TRDN: variants seen among roughly 807,000 people sequenced by gnomAD.
TRDN encodes triadin, also known as triadin in skeletal muscle.
TRDN carries 161 observed loss-of-function variants against 149.7 expected under a neutral mutation model. The observed-to-expected ratio is 1.08, with a 90% CI of 0.95 to 1.23. The LOEUF is 1.23. Ranked by LOEUF, TRDN falls within the 50% of genes most tolerant of loss-of-function variation. The pLI is 0.00. For synonymous variants in TRDN, 294 were observed against 250.5 expected, an observed-to-expected ratio of 1.17 and a Z score of -1.64; for missense variants, 896 against 823.5, an observed-to-expected ratio of 1.09 and a Z score of -1.08.
chr6:123,552,579 C>G (rs1217039514), intron 2 of TRDN, among the ~76,000 whole-genome samples: 1 of 152,130 alleles, frequency 6.6e-6, no homozygotes, highest in Non-Finnish European at 1.5e-5. Flanking sequence ...GCTGTGCCAA[C>G]TATATTGAAA....
At chr6:123,533,597 C>T (rs1173010964) in intron 4 of TRDN, among the ~76,000 whole-genome samples, 1 of 152,008 alleles carries the variant, frequency 6.6e-6, no homozygotes, top group Non-Finnish European at 1.5e-5. Flanking sequence ...TACCTTGCTC[C>T]TCTTAGCTCT....
At chr6:123,474,793 A>G (rs1777375519) in intron 9 of TRDN, among the ~76,000 whole-genome samples, 1 of 152,064 alleles carries the variant, frequency 6.6e-6, no homozygotes, top group Admixed American at 6.5e-5. Flanking sequence ...GCTCAACTAC[A>G]TGGAAACTGA....
At chr6:123,257,208 G>A (rs1276842499) in intron 35 of TRDN, among the ~76,000 whole-genome samples, 1 of 152,024 alleles carries the variant, frequency 6.6e-6, no homozygotes, top group Non-Finnish European at 1.5e-5. Flanking sequence ...TCGATCTCTT[G>A]ACCTCGTGAT....
chr6:123,369,052 G>A (rs941640147), intron 19 of TRDN, among the ~76,000 whole-genome samples: 1 of 152,106 alleles, frequency 6.6e-6, no homozygotes, highest in Admixed American at 6.6e-5. Context: ...CAAAATTCAG[G>A]CATTGGCAGG....
chr6:123,512,416 G>A, intron 6 of TRDN, 54 bp from the exon 7 acceptor site: 1 of 1,096,602 alleles, frequency 9.1e-7, no homozygotes, highest in South Asian at 1.5e-5. Context: ...TCAAAACCAA[G>A]CTTTCTTTTG....
At chr6:123,619,892 A>C (rs1046314946) in intron 1 of TRDN, among the ~76,000 whole-genome samples, 1 of 152,102 alleles carries the variant, frequency 6.6e-6, no homozygotes, top group African/African-American at 2.4e-5. Context: ...GTCCAGAGAA[A>C]TAGCTGATTA....
chr6:123,464,817 G>A, intron 10 of TRDN, 89 bp downstream of exon 10: 1 of 1,515,454 alleles, frequency 6.6e-7, no homozygotes, highest in Non-Finnish European at 8.9e-7. Flanking sequence ...GGATTTTGCT[G>A]TTTCTTTGTG....
At chr6:123,467,298 G>T (rs1451644543) in intron 9 of TRDN, among the ~76,000 whole-genome samples, 1 of 150,558 alleles carries the variant, frequency 6.6e-6, no homozygotes, top group African/African-American at 2.4e-5. Context: ...GGGATTCCAG[G>T]TGGAAGGTAT....
At chr6:123,347,758 G>C (rs1780311643) in intron 21 of TRDN, among the ~76,000 whole-genome samples, 1 of 151,990 alleles carries the variant, frequency 6.6e-6, no homozygotes, top group Non-Finnish European at 1.5e-5. Flanking sequence ...AGAGATGGAA[G>C]GTCCTTTAGA....
intron 6 of TRDN, among the ~76,000 whole-genome samples, chr6:123,515,776 A>C (rs1256078455): frequency 1.3e-5 from 2 of 152,136 alleles, no homozygotes; most frequent in Non-Finnish European, 2.9e-5. Context: ...TAGAAATTAA[A>C]GCAATCTAAT....
intron 9 of TRDN, among the ~76,000 whole-genome samples, chr6:123,479,587 A>G (rs1777650995): frequency 6.6e-6 from 1 of 152,176 alleles, no homozygotes. Context: ...AAAATGGATG[A>G]CTTGCCAAAT....
Position 123,486,939 on chromosome 6 carries a change from T to C in TRDN, c.853+10254A>G, listed in dbSNP as rs542448121. On this transcript the variant is annotated intron_variant, in intron 9 of 40. Coordinates refer to ENST00000334268, the MANE Select transcript of TRDN (RefSeq NM_006073.4). ...TTATGTAATATTATTACCCATGTTA[T>C]GCAGTAGATAGTAGAACAAAGGCTA... 3.0e-4 allele frequency among the ~76,000 whole-genome samples: 45 copies of C among 152,186 alleles called. 1 individual carries two copies. The South Asian group carries it at 8.9e-3, about 30-fold the overall frequency.
intron 1 of TRDN, among the ~76,000 whole-genome samples, chr6:123,590,127 G>A (rs1783707852): frequency 6.6e-6 from 1 of 152,136 alleles, no homozygotes; most frequent in East Asian, 1.9e-4. Flanking sequence ...GACCCATTAG[G>A]AACCAGGTCA....
chr6:123,232,623 AAG>A (rs1775647374), intron 38 of TRDN, among the ~76,000 whole-genome samples: 1 of 151,984 alleles, frequency 6.6e-6, no homozygotes, highest in African/African-American at 2.4e-5. Context: ...GGGAGAAAGC[AAG>A]AGAGGATGGA....
chr6:123,422,378 T>C (rs1362144851), intron 12 of TRDN, among the ~76,000 whole-genome samples: 1 of 152,100 alleles, frequency 6.6e-6, no homozygotes. Flanking sequence ...ACAGAAGCAA[T>C]CTTGTTACAA....
chr6:123,412,689 G>A (rs778427905), intron 12 of TRDN, among the ~76,000 whole-genome samples: 11 of 152,052 alleles, frequency 7.2e-5, no homozygotes, highest in Non-Finnish European at 1.5e-4. Flanking sequence ...GCTCAGCTGG[G>A]AACTTACCAA....
intron 7 of TRDN, among the ~76,000 whole-genome samples, chr6:123,505,707 T>TA (rs1778892845): frequency 1.3e-5 from 2 of 152,022 alleles, no homozygotes; most frequent in Admixed American, 6.6e-5. Flanking sequence ...TATAAACTTT[T>TA]TTTTTTTTTT....
At chr6:123,327,465 A>G (rs1238318332) in intron 23 of TRDN, among the ~76,000 whole-genome samples, 1 of 152,110 alleles carries the variant, frequency 6.6e-6, no homozygotes, top group Non-Finnish European at 1.5e-5. Context: ...TCCAGATAGG[A>G]AAAGGAAATA....
chr6:123,559,118 G>A (rs1039190364), intron 2 of TRDN, among the ~76,000 whole-genome samples: 17 of 152,180 alleles, frequency 1.1e-4, no homozygotes, highest in Non-Finnish European at 7.4e-5. Flanking sequence ...GACACTGCCC[G>A]ATCACCTCAA....
Sources: allele counts gnomAD v4.1 joint callset (sites outside exome capture counted in the v4.1 genomes callset), GRCh38; gene constraint gnomAD v4.1.1; transcripts MANE v1.5; gene names NCBI Gene and HGNC (gene_info 2026-07-23, HGNC 2026-07-21).